Variants in RPH3A observed in about 807,000 individuals in gnomAD.
The protein encoded by RPH3A is rabphilin-3A.
A neutral mutation model predicts 102.2 loss-of-function variants in RPH3A; 48 were observed. The ratio of observed to expected loss-of-function variants is 0.47; its 90% confidence interval spans 0.37 to 0.60. The LOEUF (loss-of-function observed/expected upper bound fraction) is 0.60, where lower values mean the gene tolerates loss of function less well. Among genes scored for constraint, RPH3A ranks in the 20% least tolerant of loss-of-function variants. The pLI is 0.00. For missense variants in RPH3A, 781 were observed against 910.1 expected (o/e 0.86, Z 1.83); for synonymous variants, 310 against 324.3 (o/e 0.96, Z 0.47).
At chr12:112,577,613 A>G (rs1950949328) in intron 1 of RPH3A, among the ~76,000 whole-genome samples, 1 of 152,142 alleles carries the variant, frequency 6.6e-6, no homozygotes, top group African/African-American at 2.4e-5. Context: ...CCTTCTGGGA[A>G]TGCAGCTCAG....
chr12:112,836,421 A>G, intron 3 of RPH3A, 70 bp from the exon 4 acceptor site: 1 of 884,464 alleles, frequency 1.1e-6, no homozygotes, highest in African/African-American at 1.7e-5. Context: ...CAGACAGTGT[A>G]GATATTGTTA....
chr12:112,883,600 C>A (rs2042960720), intron 16 of RPH3A, among the ~76,000 whole-genome samples, 198 bp downstream of exon 16: 1 of 151,698 alleles, frequency 6.6e-6, no homozygotes, highest in South Asian at 2.1e-4. Context: ...TAAGTTGAAA[C>A]TGTTTACTGT....
At chr12:112,590,552 C>T (rs563913420) in intron 1 of RPH3A, among the ~76,000 whole-genome samples, 1 of 152,320 alleles carries the variant, frequency 6.6e-6, no homozygotes, top group African/African-American at 2.4e-5. Flanking sequence ...GGAAATGGCT[C>T]ATGGGGTGAC....
intron 1 of RPH3A, among the ~76,000 whole-genome samples, chr12:112,693,828 T>C (rs2040325546): frequency 6.6e-6 from 1 of 152,210 alleles, no homozygotes; most frequent in African/African-American, 2.4e-5. Context: ...TATTGACTTG[T>C]TTATTTGCCA....
At chr12:112,788,976 T>C (rs867749375), upstream of RPH3A, among the ~76,000 whole-genome samples, 50 of 152,098 alleles carry the variant, frequency 3.3e-4, no homozygotes, top group African/African-American at 1.2e-3. Flanking sequence ...CTGACCAACA[T>C]GGCGAAACCC....
chr12:112,887,803 C>T lies in RPH3A; in HGVS notation c.1443C>T (p.Ser481=), dbSNP rs548757170. The stretch of plus-strand genomic sequence containing the variant: ...CCCCTTGTGTTGGTGGCAGGATCTC[C>T]GTCTGTGATGAGGACAAATTTGGCC... ...EDMQRKTLRI[S]VCDEDKFGHN... Residue 481 remains serine, a synonymous_variant, in exon 17 of 22, where the codon TCC becomes TCT. Transcript: ENST00000389385. 3.5e-5 allele frequency: 56 copies of T among 1,613,314 alleles called. No homozygotes were observed. The highest frequency in any genetic ancestry group is 2.3e-4 in the South Asian group (21 of 91,026).
intron 2 of RPH3A, among the ~76,000 whole-genome samples, chr12:112,806,204 G>T (rs922061504): frequency 3.7e-4 from 56 of 152,352 alleles, no homozygotes; most frequent in African/African-American, 1.2e-3. Flanking sequence ...GAAAGGAAGA[G>T]ATACCACTTG....
intron 1 of RPH3A, among the ~76,000 whole-genome samples, chr12:112,656,383 A>C (rs1347585407): frequency 6.6e-6 from 1 of 152,172 alleles, no homozygotes; most frequent in East Asian, 1.9e-4. Context: ...CCCCAAGCCT[A>C]AGCAAGGTTC....
chr12:112,592,395 T>A (rs544833176), intron 1 of RPH3A, among the ~76,000 whole-genome samples: 1 of 152,358 alleles, frequency 6.6e-6, no homozygotes, highest in Admixed American at 6.5e-5. Flanking sequence ...CTTGTTTCAC[T>A]GCAACTTCTG....
intron 2 of RPH3A, among the ~76,000 whole-genome samples, chr12:112,819,893 G>A (rs982129426): frequency 1.2e-4 from 18 of 152,246 alleles, no homozygotes; most frequent in Non-Finnish European, 2.1e-4. Flanking sequence ...TGAAGGGCTA[G>A]TATTTCCAAG....
intron 1 of RPH3A, among the ~76,000 whole-genome samples, chr12:112,786,240 G>C (rs2041050033): frequency 6.6e-6 from 1 of 152,168 alleles, no homozygotes; most frequent in African/African-American, 2.4e-5. Flanking sequence ...TTGAAAGCTT[G>C]CTTCGCCAAG....
At chr12:112,837,140 G>A (rs889272292) in intron 4 of RPH3A, among the ~76,000 whole-genome samples, 2 of 152,162 alleles carry the variant, frequency 1.3e-5, no homozygotes, top group African/African-American at 4.8e-5. Context: ...CAGAAACTAT[G>A]GAAAGTCATT....
chr12:112,816,074 A>G (rs1337538760), intron 2 of RPH3A, among the ~76,000 whole-genome samples: 3 of 152,212 alleles, frequency 2.0e-5, no homozygotes, highest in Non-Finnish European at 4.4e-5. Flanking sequence ...AGCAGGAGAC[A>G]TTCGCCTCAG....
At position 112,659,473 on chromosome 12, in the gene RPH3A, A is replaced by G. The variant is rs139287721; in HGVS notation, c.-140+84154A>G. ...CAGGTTGTGCATCTTTAGCAAGAGT[A>G]TTACAGAAGGGATGCTGGTTTCTCC... On this transcript the variant is annotated intron_variant, in intron 1 of 21. Coordinates refer to the RPH3A transcript ENST00000543106. Among the ~76,000 whole-genome samples the G allele has an allele frequency of 5.8e-3, 889 of 152,302 alleles. 8 individuals are homozygous for G. The highest frequency in any genetic ancestry group is 0.019 in the South Asian group (94 of 4,822).
intron 17 of RPH3A, 77 bp from the exon 18 acceptor site, chr12:112,889,947 G>A: frequency 1.5e-6 from 2 of 1,313,036 alleles, no homozygotes. Flanking sequence ...GGAAGTATGA[G>A]GGGTTTCTGG....
At chr12:112,813,057 G>A (rs937214878) in intron 2 of RPH3A, among the ~76,000 whole-genome samples, 1 of 152,182 alleles carries the variant, frequency 6.6e-6, no homozygotes, top group Non-Finnish European at 1.5e-5. Context: ...CTGTAAGATA[G>A]GTGCTGTTAT....
chr12:112,587,264 A>C lies in RPH3A; in HGVS notation c.-140+11945A>C, dbSNP rs114215391. On this transcript the variant is annotated intron_variant, in intron 1 of 21. Transcript: ENST00000543106. ...GAAATTATGAAATATTTAGAGAAAG[A>C]GGTAATAAAAATACATATCAGTTTC... Among the ~76,000 whole-genome samples, 437 of 152,358 alleles carry C rather than the reference A, an allele frequency of 2.9e-3. 3 individuals carry two copies. The highest frequency in any genetic ancestry group is 0.01 in the African/African-American group (423 of 41,590).
At chr12:112,707,787 G>A (rs1047130431) in intron 1 of RPH3A, among the ~76,000 whole-genome samples, 1 of 152,204 alleles carries the variant, frequency 6.6e-6, no homozygotes, top group Non-Finnish European at 1.5e-5. Flanking sequence ...TCTCTTTAGG[G>A]ACAGTCAAGG....
At position 112,662,334 on chromosome 12, in the gene RPH3A, G is replaced by A. The variant is rs377066862; in HGVS notation, c.-140+87015G>A. ...CACAATGCTGGACAAAGAAGTTTTA[G>A]CATGAGATACATTTATATATCCATC... is the stretch of plus-strand genomic sequence containing the variant. On this transcript the variant is annotated intron_variant, in intron 1 of 21. Transcript: ENST00000543106. Among the ~76,000 whole-genome samples the A allele has an allele frequency of 1.2e-4, 19 of 152,244 alleles. No homozygotes were observed. In the South Asian group the frequency reaches 3.3e-3, roughly 27 times the overall value.
Sources: gnomAD v4.1 joint callset for allele counts (sites outside exome capture counted in the v4.1 genomes callset) on GRCh38, gnomAD v4.1.1 for gene constraint, MANE v1.5 for transcripts, NCBI Gene and HGNC (gene_info 2026-07-23, HGNC 2026-07-21) for gene names.